Variants in IFT140 observed in about 807,000 individuals in gnomAD.
The protein encoded by IFT140 is intraflagellar transport 140, also known as intraflagellar transport protein 140 homolog.
A neutral mutation model predicts 164.6 loss-of-function variants in IFT140; 133 were observed. That is an observed-to-expected ratio of 0.81 (90% CI 0.70 to 0.93). The LOEUF (loss-of-function observed/expected upper bound fraction) is 0.93. IFT140 is among the 40% of genes least tolerant of loss of function. The probability of loss-of-function intolerance (pLI) is 0.00; values close to 1 mark genes in which losing one functional copy is unlikely to be tolerated. For missense variants in IFT140, 2,045 were observed against 1,972.3 expected (o/e 1.04, Z -0.70); for synonymous variants, 860 against 817.3 (o/e 1.05, Z -0.89).
chr16:1,563,197 T>C (rs2033514783), intron 17 of IFT140, among the ~76,000 whole-genome samples: 2 of 152,068 alleles, frequency 1.3e-5, no homozygotes, highest in South Asian at 4.1e-4. Context: ...CCTGCTCTGG[T>C]GGTGGAGATG....
chr16:1,524,613 C>G lies in IFT140; in HGVS notation c.3080G>C (p.Gly1027Ala), dbSNP rs763621164. The part of the protein sequence containing the change: ...ARQYESQEEV[G>A]QAVHFYTRAQ... ...CCGGGTGTAGAAGTGCACCGCCTGCCCGACCTCCTCCTGGCTCTCGTACTG... is the reference window on the plus strand; with the variant it reads ...CCGGGTGTAGAAGTGCACCGCCTGCGCGACCTCCTCCTGGCTCTCGTACTG... Residue 1027 changes from glycine (G) to alanine (A), a missense_variant, in exon 24 of 31, where the codon GGG (glycine) becomes GCG (alanine). Coordinates refer to ENST00000426508, the MANE Select transcript of IFT140 (RefSeq NM_014714.4). The G allele has an allele frequency of 1.9e-6, 3 of 1,604,596 alleles. No homozygotes were observed. Among genetic ancestry groups the G allele is most frequent in the Non-Finnish European group, 2.6e-6 (3 of 1,173,668 alleles).
intron 19 of IFT140, among the ~76,000 whole-genome samples, chr16:1,542,909 A>G (rs2031786264): frequency 6.6e-6 from 1 of 152,248 alleles, no homozygotes; most frequent in Non-Finnish European, 1.5e-5. Flanking sequence ...AGAGGGTGAC[A>G]GTGATGGAGT....
Position 1,566,281 on chromosome 16 carries a change from C to T in IFT140, c.1781G>A (p.Ser594Asn). Residue 594 changes from serine (S) to asparagine (N), a missense_variant, in exon 16 of 31, where the codon AGC becomes AAC. By Grantham distance (46) the Ser-to-Asn change is conservative. Coordinates refer to ENST00000426508, the MANE Select transcript of IFT140 (RefSeq NM_014714.4). ...ISILPSKADN[S>N]PDSKICFYDV... ...GTAGAAGCAGATTTTGGAATCAGGG[C>T]TGTTGTCAGCCTAGGAGAAGAGAAA... is the stretch of plus-strand genomic sequence containing the variant. 1 of 1,613,408 alleles carries T rather than the reference C, an allele frequency of 6.2e-7. No homozygotes were observed. The highest frequency in any genetic ancestry group is 8.5e-7 in the Non-Finnish European group (1 of 1,179,472).
At chr16:1,563,794 T>C (rs940573360) in intron 17 of IFT140, among the ~76,000 whole-genome samples, 3 of 152,152 alleles carry the variant, frequency 2.0e-5, no homozygotes, top group Admixed American at 2.0e-4. Context: ...TAATTCTTAT[T>C]ATTATTCTTT....
At chr16:1,611,661 A>C (rs963406423) in intron 1 of IFT140, among the ~76,000 whole-genome samples, 1 of 151,636 alleles carries the variant, frequency 6.6e-6, no homozygotes, top group Non-Finnish European at 1.5e-5. Flanking sequence ...CTAAAAACAC[A>C]CAAATTAGCG....
intron 2 of IFT140, 72 bp from the exon 3 acceptor site, chr16:1,607,369 G>T: frequency 7.5e-7 from 1 of 1,328,710 alleles, no homozygotes; most frequent in South Asian, 1.5e-5. Flanking sequence ...TACATGGAAT[G>T]ACGAAAAGGA....
At chr16:1,547,774 G>A (rs1402725570) in intron 19 of IFT140, among the ~76,000 whole-genome samples, 7 of 152,190 alleles carry the variant, frequency 4.6e-5, no homozygotes, top group Non-Finnish European at 8.8e-5. Flanking sequence ...GACCTCAGGT[G>A]ATCCACCCAC....
chr16:1,537,906 C>A (rs2031234520), intron 19 of IFT140, among the ~76,000 whole-genome samples: 1 of 152,222 alleles, frequency 6.6e-6, no homozygotes, highest in Non-Finnish European at 1.5e-5. Context: ...ACGTAAGACC[C>A]TGCCTGAATA....
At chr16:1,534,329 C>T (rs949790038) in intron 19 of IFT140, 1 of 1,612,850 alleles carries the variant, frequency 6.2e-7, no homozygotes, top group Non-Finnish European at 8.5e-7. Flanking sequence ...TGGTCTCACT[C>T]ATCCTCAACA....
At chr16:1,584,171 C>T in intron 11 of IFT140, 46 bp downstream of exon 11, 1 of 1,554,866 alleles carries the variant, frequency 6.4e-7, no homozygotes. Context: ...GGCCATGGGG[C>T]AGTTCTTCTG....
At chr16:1,515,275 A>C (rs2040304147) in intron 30 of IFT140, among the ~76,000 whole-genome samples, 1 of 152,234 alleles carries the variant, frequency 6.6e-6, no homozygotes, top group Non-Finnish European at 1.5e-5. Context: ...TCATGACAGC[A>C]GCCAGTGCAG....
At position 1,592,470 on chromosome 16, in the gene IFT140, C is replaced by A. The variant is rs1368823319; in HGVS notation, c.488G>T (p.Gly163Val). The change falls in exon 5 of 31, where the codon GGC becomes GTC. Residue 163 changes from glycine to valine, a missense_variant. Transcript: ENST00000426508. The stretch of plus-strand genomic sequence containing the variant: ...ACAGGGCAAGCCCCACACTTACTCG[C>A]CAGGAGGGGGGAGCCGGAAGATGCA... ...THCIFRLPPP[G>V]EDLVQLAKAA... 8 of 1,613,978 alleles carry A rather than the reference C, an allele frequency of 5.0e-6. No individual in the cohort carries two copies. The highest frequency in any genetic ancestry group is 1.3e-5 in the African/African-American group (1 of 74,950).
intron 19 of IFT140, among the ~76,000 whole-genome samples, chr16:1,543,207 C>T (rs368767810): frequency 3.7e-4 from 57 of 152,380 alleles, no homozygotes; most frequent in African/African-American, 1.3e-3. Context: ...TTCTCCTCCT[C>T]GAGGCCGGTG....
intron 13 of IFT140, 178 bp downstream of exon 13, chr16:1,580,581 G>C (rs983212792): frequency 3.8e-6 from 2 of 530,422 alleles, no homozygotes; most frequent in Non-Finnish European, 6.7e-6. Flanking sequence ...AAAGCCTGCA[G>C]TAATGTGAGT....
At chr16:1,554,235 G>T in intron 19 of IFT140, 1 of 760,776 alleles carries the variant, frequency 1.3e-6, no homozygotes, top group Non-Finnish European at 1.8e-6. Flanking sequence ...CAAAGGCCAA[G>T]AGCAAGAAAA....
chr16:1,547,751 G>C (rs1049334574), intron 19 of IFT140, among the ~76,000 whole-genome samples: 1 of 152,168 alleles, frequency 6.6e-6, no homozygotes, highest in East Asian at 1.9e-4. Flanking sequence ...GGCCAGGCTG[G>C]TCTCAAGCTT....
intron 30 of IFT140, among the ~76,000 whole-genome samples, chr16:1,513,407 A>G (rs930984740): frequency 3.9e-5 from 6 of 152,068 alleles, no homozygotes; most frequent in African/African-American, 1.4e-4. Context: ...AGGCTGAGGC[A>G]GGACAATTGC....
chr16:1,536,305 G>A (rs1333695889), intron 19 of IFT140, among the ~76,000 whole-genome samples: 2 of 152,302 alleles, frequency 1.3e-5, no homozygotes, highest in East Asian at 1.9e-4. Flanking sequence ...CGTCCCAGGC[G>A]CCCGGCTGTC....
chr16:1,550,138 C>T (rs1375840319), intron 19 of IFT140, among the ~76,000 whole-genome samples: 1 of 152,100 alleles, frequency 6.6e-6, no homozygotes, highest in African/African-American at 2.4e-5. Flanking sequence ...CAGGGTTTCA[C>T]TATGTTGCCC....
Sources: gnomAD v4.1 joint callset for allele counts (sites outside exome capture counted in the v4.1 genomes callset) on GRCh38, gnomAD v4.1.1 for gene constraint, MANE v1.5 for transcripts, NCBI Gene and HGNC (gene_info 2026-07-23, HGNC 2026-07-21) for gene names.